The following CCT5 variants were observed in gnomAD, a reference collection of about 807,000 sequenced individuals.
CCT5 encodes the protein chaperonin containing TCP1 subunit 5.
Under a neutral mutation model 55.0 loss-of-function variants are expected in CCT5, and 6 were observed. The observed-to-expected ratio is 0.11, with a 90% CI of 0.06 to 0.22. CCT5 has a LOEUF of 0.22. CCT5 is among the 10% of genes least tolerant of loss of function. The pLI is 1.00. For synonymous variants in CCT5, 231 were observed against 243.7 expected (o/e 0.95, Z 0.49); for missense variants, 560 against 694.6 (o/e 0.81, Z 2.18).
At chr5:10,250,566 CGTCTCCCTGCG>C (rs1745332304) in intron 1 of CCT5, 121 bp downstream of exon 1, 1 of 1,516,726 alleles carries the variant, frequency 6.6e-7, no homozygotes, top group African/African-American at 1.4e-5. Context: ...CGAGAATCTC[CGTCTCCCTGCG>C]GTCTCCGGCC....
chr5:10,253,448 C>T (rs991587314), intron 1 of CCT5, among the ~76,000 whole-genome samples: 9 of 152,074 alleles, frequency 5.9e-5, no homozygotes, highest in African/African-American at 1.9e-4. Flanking sequence ...AATGGGGTCT[C>T]GCCATGTTTC....
intron 6 of CCT5, among the ~76,000 whole-genome samples, chr5:10,260,445 C>T (rs1330606801): frequency 6.6e-6 from 1 of 152,210 alleles, no homozygotes; most frequent in African/African-American, 2.4e-5. Context: ...GTGTTTGTGA[C>T]AGGACAGAGC....
chr5:10,256,660 T>G (rs2028271), intron 4 of CCT5, among the ~76,000 whole-genome samples: 107,776 of 150,234 alleles, frequency 0.72, 41,711 homozygotes, highest in East Asian at 0.86. Flanking sequence ...GCACTCCAGC[T>G]TGAGCAACAG....
At position 10,258,679 on chromosome 5, in the gene CCT5, G is replaced by A. The variant is rs908085706; in HGVS notation, c.873+144G>A. 3 of 769,168 alleles carry A rather than the reference G, an allele frequency of 3.9e-6. No individual in the cohort carries two copies. In the Admixed American group the frequency reaches 6.5e-5, roughly 17 times the overall value. 47.6% of individuals were successfully genotyped at this position (769,168 alleles called of 1,614,324 possible). A position where few individuals can be genotyped will look rare whatever the true frequency, so the allele number is the denominator to read the frequency against. Reference sequence around the variant, plus strand: ...AAATTGCATAGAAAGGCATAAACAGGGAAGAATTCTAATTTTGTCTTAAAA... The same window carrying A: ...AAATTGCATAGAAAGGCATAAACAGAGAAGAATTCTAATTTTGTCTTAAAA... On this transcript the variant is annotated intron_variant, in intron 6 of 10. Coordinates refer to ENST00000280326, the MANE Select transcript of CCT5 (RefSeq NM_012073.5).
chr5:10,254,218 C>T lies in CCT5; in HGVS notation c.166+13C>T. The T allele has an allele frequency of 4.5e-6, 7 of 1,551,798 alleles. No homozygotes were observed. The highest frequency in any genetic ancestry group is 6.2e-6 in the Non-Finnish European group (7 of 1,123,462). On this transcript the variant is annotated intron_variant, in intron 2 of 10. Coordinates refer to ENST00000280326, the MANE Select transcript of CCT5 (RefSeq NM_012073.5). ...CTTGGACCAAATGGTAAGAGTCCAC[C>T]ATTCCGTGTTTTTTAGCAAAAGATT...
chr5:10,255,659 A>G (rs1273806084), intron 3 of CCT5, among the ~76,000 whole-genome samples: 1 of 152,176 alleles, frequency 6.6e-6, no homozygotes, highest in Non-Finnish European at 1.5e-5. Flanking sequence ...CCCAGGAAAC[A>G]TAATAGCTTT....
intron 4 of CCT5, among the ~76,000 whole-genome samples, chr5:10,256,999 C>T: frequency 6.6e-6 from 1 of 152,174 alleles, no homozygotes; most frequent in East Asian, 1.9e-4. Context: ...ATGTACAATG[C>T]CAAAGACTTA....
chr5:10,264,180 CAGG>C (rs776192601), intron 10 of CCT5, among the ~76,000 whole-genome samples: 9 of 152,070 alleles, frequency 5.9e-5, no homozygotes, highest in Non-Finnish European at 1.2e-4. Context: ...GAGGCTGAGG[CAGG>C]AGAATCGCTT....
intron 10 of CCT5, 123 bp from the exon 11 acceptor site, chr5:10,264,532 CT>C: frequency 1.3e-6 from 1 of 745,138 alleles, no homozygotes; most frequent in South Asian, 1.5e-5. Flanking sequence ...TAGTGGCTTC[CT>C]GCTTGGCTTC....
Position 10,265,125 on chromosome 5 carries a change from T to G in CCT5, c.*342T>G, listed in dbSNP as rs1284309985. On this transcript the variant is annotated 3_prime_UTR_variant, in exon 11 of 11. Coordinates refer to ENST00000280326, the MANE Select transcript of CCT5 (RefSeq NM_012073.5). ...TTTTCTCAAAATAAGCTGTAGGGAC[T>G]ATTTTAACAGCTTAAACAGGAGCTC... 2 of 275,328 alleles carry G rather than the reference T, an allele frequency of 7.3e-6. No individual in the cohort carries two copies. Among genetic ancestry groups the G allele is most frequent in the Non-Finnish European group, 1.4e-5 (2 of 142,782 alleles). 17.1% of individuals were successfully genotyped at this position (275,328 alleles called of 1,614,324 possible).
At chr5:10,256,387 T>C (rs1463756972) in intron 4 of CCT5, among the ~76,000 whole-genome samples, 2 of 152,212 alleles carry the variant, frequency 1.3e-5, no homozygotes, top group East Asian at 1.9e-4. Context: ...ATTTGCAAAA[T>C]ATAGTTATTT....
intron 2 of CCT5, 72 bp downstream of exon 2, chr5:10,254,277 CA>C: frequency 9.1e-7 from 1 of 1,100,326 alleles, no homozygotes; most frequent in East Asian, 2.4e-5. Context: ...AACCTCTCTA[CA>C]GAAAGGTGGA....
chr5:10,264,953 CGTG>C lies in CCT5; in HGVS notation c.*172_*174del. 8.9e-6 allele frequency: 7 copies of C among 784,010 alleles called. No homozygotes were observed. In the South Asian group the frequency reaches 1.2e-4, roughly 14 times the overall value. The allele number at this position is 784,010 out of a possible 1,614,324, so 48.6% of individuals were successfully genotyped here. The stretch of plus-strand genomic sequence containing the variant: ...TTTCACTTGTTCAAAGCTGTGTAAT[CGTG>C]GGGGTACCATCTCAACTGCTTTTGT... On this transcript the variant is annotated 3_prime_UTR_variant, in exon 11 of 11. Coordinates refer to ENST00000280326, the MANE Select transcript of CCT5 (RefSeq NM_012073.5).
At chr5:10,261,297 G>T in intron 7 of CCT5, 1 of 519,746 alleles carries the variant, frequency 1.9e-6, no homozygotes, top group Non-Finnish European at 3.5e-6. Context: ...CTGCACAGAT[G>T]GGAGATGAGG....
At chr5:10,262,114 A>G in intron 8 of CCT5, 1 of 392,398 alleles carries the variant, frequency 2.5e-6, no homozygotes, top group Non-Finnish European at 4.8e-6. Flanking sequence ...ACAATATGGT[A>G]TTATTACCAA....
At chr5:10,250,795 C>G (rs1561041828) in intron 1 of CCT5, 1 of 1,160,518 alleles carries the variant, frequency 8.6e-7, no homozygotes, top group Non-Finnish European at 1.1e-6. Flanking sequence ...GGGAGGGCGC[C>G]GGGGAGATGC....
At chr5:10,259,799 C>T (rs1464117300) in intron 6 of CCT5, among the ~76,000 whole-genome samples, 1 of 152,186 alleles carries the variant, frequency 6.6e-6, no homozygotes, top group Non-Finnish European at 1.5e-5. Flanking sequence ...TGGGGGGCCA[C>T]AGATAAATTG....
intron 2 of CCT5, 105 bp from the exon 3 acceptor site, chr5:10,254,569 A>G (rs986105877): frequency 6.2e-6 from 6 of 966,090 alleles, no homozygotes; most frequent in Non-Finnish European, 1.0e-5. Context: ...TTATTTGTAT[A>G]TAATAAATTG....
At position 10,258,415 on chromosome 5, in the gene CCT5, C is replaced by T. The variant is rs755384536; in HGVS notation, c.753C>T (p.Leu251=). The T allele has an allele frequency of 1.4e-4, 233 of 1,614,072 alleles. No individual in the cohort carries two copies. Among genetic ancestry groups the T allele is most frequent in the Non-Finnish European group, 1.9e-4 (221 of 1,180,040 alleles). The change falls in exon 6 of 11, where the codon CTC becomes CTT. Residue 251 remains leucine, a synonymous_variant. Coordinates refer to ENST00000280326, the MANE Select transcript of CCT5 (RefSeq NM_012073.5). ...TGGAAGATGCGAAGATTGCAATTCT[C>T]ACATGTCCATTTGAACCACCCAAAC... ...KKVEDAKIAI[L]TCPFEPPKPK...
Sources: allele counts gnomAD v4.1 joint callset (sites outside exome capture counted in the v4.1 genomes callset), GRCh38; gene constraint gnomAD v4.1.1; transcripts MANE v1.5; gene names NCBI Gene and HGNC (gene_info 2026-07-23, HGNC 2026-07-21).